The following GALNS variants were observed in gnomAD, a reference collection of about 807,000 sequenced individuals.
GALNS encodes galactosamine (N-acetyl)-6-sulfatase, also known as N-acetylgalactosamine-6-sulfatase.
A neutral mutation model predicts 65.9 loss-of-function variants in GALNS; 65 were observed. The ratio of observed to expected loss-of-function variants is 0.99; its 90% CI spans 0.81 to 1.21. The LOEUF (loss-of-function observed/expected upper bound fraction) is 1.21. Ranked by LOEUF, GALNS falls within the 50% of genes most tolerant of loss-of-function variation. The probability of loss-of-function intolerance (pLI) is 0.00; values close to 1 mark genes in which losing one functional copy is unlikely to be tolerated. For missense variants in GALNS, 776 were observed against 700.7 expected (o/e 1.11, Z -1.21); for synonymous variants, 346 against 288.9 (o/e 1.20, Z -2.00).
chr16:88,828,431 G>C (rs537194484), intron 9 of GALNS, among the ~76,000 whole-genome samples: 4 of 152,186 alleles, frequency 2.6e-5, no homozygotes, highest in Non-Finnish European at 5.9e-5. Context: ...CAGCGCTTTC[G>C]AGACTTCACT....
rs144755546 is a variant in GALNS at position 88,836,367 on chromosome 16, A to C, written c.567-100T>G. 8.7e-4 allele frequency: 870 copies of C among 1,000,374 alleles called. 3 individuals are homozygous for C. In the African/African-American group the frequency reaches 0.013, roughly 14 times the overall value. 62.0% of individuals were successfully genotyped at this position (1,000,374 alleles called of 1,614,324 possible). A position where few individuals can be genotyped will look rare whatever the true frequency, so the allele number is the denominator to read the frequency against. Reference sequence around the variant, plus strand: ...AAAGCCATGGGCTTCATTTAAAAGAAGGCTAGGGCTGGGCGTCATGGCTCA... The same window carrying C: ...AAAGCCATGGGCTTCATTTAAAAGACGGCTAGGGCTGGGCGTCATGGCTCA... On this transcript the variant is annotated intron_variant, in intron 5 of 13. Coordinates refer to ENST00000268695, the MANE Select transcript of GALNS (RefSeq NM_000512.5).
In GALNS at chr16:88,856,865, C is replaced by T. The variant is rs1415400985; in HGVS notation, c.13G>A (p.Val5Ile). 3 of 1,510,086 alleles carry T rather than the reference C, an allele frequency of 2.0e-6. No individual in the cohort carries two copies. The highest frequency in any genetic ancestry group is 2.6e-6 in the Non-Finnish European group (3 of 1,138,012). 93.5% of individuals were successfully genotyped at this position (1,510,086 alleles called of 1,614,324 possible). MAAV[V>I]AATRWWQLLL... ...AGCTGCCACCACCTCGTCGCCGCGACAACCGCCGCCATGGCAACCACGGGA... is the reference window on the plus strand; with the variant it reads ...AGCTGCCACCACCTCGTCGCCGCGATAACCGCCGCCATGGCAACCACGGGA... The change falls in exon 1 of 14, where the codon GTC becomes ATC. Residue 5 changes from valine to isoleucine, a missense_variant. Val to Ile is a conservative substitution (Grantham distance 29). Coordinates refer to ENST00000268695, the MANE Select transcript of GALNS (RefSeq NM_000512.5).
rs979373729 is a variant in GALNS at position 88,841,076 on chromosome 16, A to G, written c.338T>C (p.Ile113Thr). ...HARNAYTPQE[I>T]VGGIPDSEQL... ...CTCCGAGTCTGGGATGCCGCCCACA[A>G]TCTCCTGCGGTGTGTAGGCTGGAAG... Residue 113 changes from isoleucine (I) to threonine (T), a missense_variant, in exon 4 of 14, where the codon ATT becomes ACT. Ile to Thr is a moderately conservative substitution (Grantham distance 89). Transcript: ENST00000268695. 2.5e-6 allele frequency: 4 copies of G among 1,612,826 alleles called. No homozygotes were observed. The highest frequency in any genetic ancestry group is 3.4e-6 in the Non-Finnish European group (4 of 1,179,912).
intron 8 of GALNS, 140 bp from the exon 9 acceptor site, chr16:88,832,241 G>A: frequency 6.4e-6 from 5 of 786,640 alleles, no homozygotes; most frequent in South Asian, 5.9e-5. Flanking sequence ...CATGATCCGA[G>A]CCTCGGGGTG....
At chr16:88,818,700 C>G (rs568647674) in intron 12 of GALNS, among the ~76,000 whole-genome samples, 1 of 152,370 alleles carries the variant, frequency 6.6e-6, no homozygotes, top group Middle Eastern at 3.4e-3. Context: ...TGCTGTGAAT[C>G]TTGGGTCCAC....
chr16:88,821,282 G>A (rs968984828), intron 12 of GALNS, among the ~76,000 whole-genome samples: 2 of 152,038 alleles, frequency 1.3e-5, no homozygotes, highest in African/African-American at 4.8e-5. Flanking sequence ...GCCGAGGCTG[G>A]TGGCGCTCTG....
intron 1 of GALNS, chr16:88,855,060 G>T: frequency 2.5e-6 from 1 of 392,220 alleles, no homozygotes; most frequent in East Asian, 7.0e-5. Context: ...CTATGGAAAC[G>T]TAGGGTGAGT....
intron 1 of GALNS, among the ~76,000 whole-genome samples, chr16:88,849,096 T>A (rs1274864352): frequency 6.6e-6 from 1 of 152,182 alleles, no homozygotes; most frequent in African/African-American, 2.4e-5. Context: ...TTTGGCCCTT[T>A]TAGCTTTGGA....
chr16:88,833,746 A>G (rs918900572), intron 8 of GALNS, among the ~76,000 whole-genome samples: 1 of 152,138 alleles, frequency 6.6e-6, no homozygotes. Flanking sequence ...CACCACGCCC[A>G]GCCCCCTCCC....
At chr16:88,816,329 G>A (rs1353704137) in intron 13 of GALNS, 2 of 985,318 alleles carry the variant, frequency 2.0e-6, no homozygotes, top group Non-Finnish European at 2.4e-6. Flanking sequence ...GGGATTGGGT[G>A]TGGAAGGCAG....
intron 1 of GALNS, chr16:88,856,197 G>A (rs968996741): frequency 4.3e-6 from 3 of 702,884 alleles, no homozygotes; most frequent in Admixed American, 2.0e-5. Context: ...AGACCTTAGG[G>A]ACACCTGACC....
chr16:88,828,214 G>A (rs990124232), intron 9 of GALNS, among the ~76,000 whole-genome samples: 1 of 126,208 alleles, frequency 7.9e-6, no homozygotes, highest in Non-Finnish European at 1.6e-5. Context: ...ATAAAGGAAA[G>A]AAATCCAGAT....
At chr16:88,832,656 A>G (rs1911629579) in intron 8 of GALNS, among the ~76,000 whole-genome samples, 1 of 152,152 alleles carries the variant, frequency 6.6e-6, no homozygotes, top group Admixed American at 6.5e-5. Context: ...ACTCCCAGAC[A>G]TGGAAGAAGG....
At chr16:88,848,939 G>A (rs1967382852) in intron 1 of GALNS, among the ~76,000 whole-genome samples, 2 of 152,202 alleles carry the variant, frequency 1.3e-5, no homozygotes, top group South Asian at 4.1e-4. Context: ...TGGACGGCAG[G>A]CTACATGGCC....
chr16:88,855,372 TG>T (rs1220681798), intron 1 of GALNS: 1 of 702,424 alleles, frequency 1.4e-6, no homozygotes, highest in Non-Finnish European at 2.6e-6. Flanking sequence ...GTATCTACAC[TG>T]GCCCAGAGGA....
intron 4 of GALNS, among the ~76,000 whole-genome samples, chr16:88,839,480 C>A (rs3784881): frequency 6.6e-6 from 1 of 152,178 alleles, no homozygotes; most frequent in Non-Finnish European, 1.5e-5. Flanking sequence ...GGAGTGTCCG[C>A]GGCCCTCTGG....
At position 88,835,772 on chromosome 16, in the gene GALNS, T is replaced by A. The variant is rs769654998; in HGVS notation, c.711A>T (p.Ala237=). 6.2e-7 allele frequency: 1 copy of A among 1,614,086 alleles called. No homozygotes were observed. The highest frequency in any genetic ancestry group is 8.5e-7 in the Non-Finnish European group (1 of 1,180,008). ...AGAAGGGTTTGGAGGCATAGACGGG[T>A]GCGTGCGTGGCGTCGACAGCCCAGT... ...FLYWAVDATH[A]PVYASKPFLG... is the part of the protein sequence containing the mutation. The change falls in exon 7 of 14, where the codon GCA becomes GCT. Residue 237 remains alanine (A), a synonymous_variant. Coordinates refer to ENST00000268695, the MANE Select transcript of GALNS (RefSeq NM_000512.5).
intron 4 of GALNS, chr16:88,837,966 G>A (rs1281147986): frequency 1.7e-6 from 1 of 593,138 alleles, no homozygotes; most frequent in East Asian, 2.9e-5. Context: ...CGCCTACCCT[G>A]CAGAGCGTCT....
In GALNS at chr16:88,836,236, T is replaced by C. The variant is rs1912129187; in HGVS notation, c.598A>G (p.Thr200Ala). 1 of 1,613,466 alleles carries C rather than the reference T, an allele frequency of 6.2e-7. No homozygotes were observed. Among genetic ancestry groups the C allele is most frequent in the Non-Finnish European group, 8.5e-7 (1 of 1,179,826 alleles). Residue 200 changes from threonine (T) to alanine (A), a missense_variant, in exon 6 of 14, where the codon ACG becomes GCG. Thr to Ala is a moderately conservative substitution (Grantham distance 58). Coordinates refer to ENST00000268695, the MANE Select transcript of GALNS (RefSeq NM_000512.5). ...ATCTGGGTGAGGTTGGCTTCCCCCG[T>C]CTTCAGATTAATAGGAAATTCTTCA... ...YYEEFPINLK[T>A]GEANLTQIYL...
Sources: gnomAD v4.1 joint callset for allele counts (sites outside exome capture counted in the v4.1 genomes callset) on GRCh38, gnomAD v4.1.1 for gene constraint, MANE v1.5 for transcripts, NCBI Gene and HGNC (gene_info 2026-07-23, HGNC 2026-07-21) for gene names.